The following FOXA3 variants were observed in gnomAD, a reference collection of about 807,000 sequenced individuals.
FOXA3 encodes the protein hepatocyte nuclear factor 3-gamma.
Under a neutral mutation model 16.9 loss-of-function variants are expected in FOXA3, and 11 were observed. The ratio of observed to expected loss-of-function variants is 0.65; its 90% CI spans 0.41 to 1.08. The LOEUF is 1.08. Ranked by LOEUF, FOXA3 falls within the 50% of genes least tolerant of loss-of-function variation. The pLI, the probability that FOXA3 is intolerant of heterozygous loss-of-function variation, is 0.00. For missense variants in FOXA3, 423 were observed against 470.1 expected (o/e 0.90, Z 0.93); for synonymous variants, 217 against 203.3 (o/e 1.07, Z -0.57).
intron 1 of FOXA3, 118 bp downstream of exon 1, chr19:45,864,643 T>C (rs1363538): frequency 1 from 783,708 of 784,020 alleles, 391,703 homozygotes; most frequent in East Asian, 1. Flanking sequence ...CTTGGGCAGC[T>C]GAGGAACTGG....
At chr19:45,866,164 C>A (rs1405263561) in intron 1 of FOXA3, among the ~76,000 whole-genome samples, 1 of 152,132 alleles carries the variant, frequency 6.6e-6, no homozygotes, top group Non-Finnish European at 1.5e-5. Context: ...GTAATCCCAG[C>A]ACTTTGGGAG....
chr19:45,866,419 T>G (rs544119519), intron 1 of FOXA3, among the ~76,000 whole-genome samples: 2 of 151,910 alleles, frequency 1.3e-5, no homozygotes, highest in South Asian at 4.2e-4. Flanking sequence ...CAAAAAATAA[T>G]AATAGTAGAG....
At chr19:45,871,329 G>A (rs1966902817) in intron 1 of FOXA3, among the ~76,000 whole-genome samples, 1 of 152,070 alleles carries the variant, frequency 6.6e-6, no homozygotes. Flanking sequence ...GTGGAAGACA[G>A]CTGGATTCTC....
chr19:45,869,867 C>A (rs906171298), intron 1 of FOXA3, among the ~76,000 whole-genome samples: 20 of 151,260 alleles, frequency 1.3e-4, no homozygotes, highest in Admixed American at 1.2e-3. Context: ...CTCACTGCAA[C>A]CTCCACCTTC....
Position 45,872,109 on chromosome 19 carries a change from C to A in FOXA3, c.104C>A (p.Ala35Asp), listed in dbSNP as rs1241048036. 2.5e-6 allele frequency: 4 copies of A among 1,606,146 alleles called. No homozygotes were observed. The highest frequency in any genetic ancestry group is 1.7e-5 in the Admixed American group (1 of 58,710). Residue 35 changes from alanine (A) to aspartate (D), a missense_variant, in exon 2 of 2, where the codon GCC (alanine) becomes GAC (aspartate). Physicochemically the swap from Ala to Asp is moderately radical, Grantham distance 126 (BLOSUM62 -2). This residue lies in a region of FOXA3 where 170 missense variants were observed against 153.9 expected (regional missense o/e 1.10). Coordinates refer to ENST00000302177, the MANE Select transcript of FOXA3 (RefSeq NM_004497.3). The surrounding 1 kb of genome is among the most constrained non-coding windows in gnomAD (Gnocchi z 4.5). ...YSPVTPVPTM[A>D]PLNSYMTLNP... ...CCGGTGACCCCAGTGCCCACCATGGCCCCCCTCAACTCCTACATGACCCTG... is the reference window on the plus strand; with the variant it reads ...CCGGTGACCCCAGTGCCCACCATGGACCCCCTCAACTCCTACATGACCCTG...
Position 45,872,413 on chromosome 19 carries a change from G to A in FOXA3, c.408G>A (p.Lys136=), listed in dbSNP as rs1450812713. ...ITMAIQQAPG[K]MLTLSEIYQW... Reference sequence around the variant, plus strand: ...TGGCCATCCAGCAGGCGCCGGGCAAGATGCTGACCTTGAGTGAAATCTACC... The same window carrying A: ...TGGCCATCCAGCAGGCGCCGGGCAAAATGCTGACCTTGAGTGAAATCTACC... Residue 136 remains lysine, a synonymous_variant, in exon 2 of 2, where the codon AAG becomes AAA. Coordinates refer to ENST00000302177, the MANE Select transcript of FOXA3 (RefSeq NM_004497.3). This position sits in a 1 kb window ranked among gnomAD's most constrained non-coding sequence, Gnocchi z 4.5. The A allele has an allele frequency of 6.2e-6, 10 of 1,614,132 alleles. No individual in the cohort carries two copies. The highest frequency in any genetic ancestry group is 7.6e-6 in the Non-Finnish European group (9 of 1,180,046).
Position 45,872,643 on chromosome 19 carries a change from T to C in FOXA3, c.638T>C (p.Phe213Ser). The change falls in exon 2 of 2, where the codon TTC becomes TCC. Residue 213 changes from phenylalanine (F) to serine (S), a missense_variant. Around this residue, in one of 3 missense-constraint regions of FOXA3, gnomAD observed 168 missense variants for 179.3 expected, o/e 0.94. Coordinates refer to ENST00000302177, the MANE Select transcript of FOXA3 (RefSeq NM_004497.3). The surrounding 1 kb of genome is among the most constrained non-coding windows in gnomAD (Gnocchi z 4.5). The stretch of plus-strand genomic sequence containing the variant: ...TGCTACCTGCGCCGCCAGAAACGCT[T>C]CAAGCTGGAGGAGAAGGTGAAAAAA... ...NGCYLRRQKR[F>S]KLEEKVKKGG... 10 of 1,613,700 alleles carry C rather than the reference T, an allele frequency of 6.2e-6. No individual in the cohort carries two copies. Among genetic ancestry groups the C allele is most frequent in the Non-Finnish European group, 7.6e-6 (9 of 1,179,810 alleles).
In FOXA3 at chr19:45,867,915, G is replaced by A. The variant is rs537695993; in HGVS notation, c.69+3390G>A. ...GAAGGGAGAAAGAGATGGAAGGATG[G>A]AGAGAGAGACAGGGGCCGAGATGGA... On this transcript the variant is annotated intron_variant, in intron 1 of 1. Coordinates refer to ENST00000302177, the MANE Select transcript of FOXA3 (RefSeq NM_004497.3). 1.1e-4 allele frequency among the ~76,000 whole-genome samples: 16 copies of A among 151,240 alleles called. No individual in the cohort carries two copies. The South Asian group carries it at 3.2e-3, about 30-fold the overall frequency.
intron 1 of FOXA3, among the ~76,000 whole-genome samples, chr19:45,870,322 A>G (rs1295983480): frequency 6.6e-6 from 1 of 151,572 alleles, no homozygotes; most frequent in Non-Finnish European, 1.5e-5. Context: ...GGCGTTCGCC[A>G]CCACACCCGG....
rs898845781 is a variant in FOXA3, at chr19:45,873,354, G to A, written c.*296G>A. On this transcript the variant is annotated 3_prime_UTR_variant, in exon 2 of 2. Coordinates refer to ENST00000302177, the MANE Select transcript of FOXA3 (RefSeq NM_004497.3). ...GCCACCATCTCGGTTGGCCCTTTGG[G>A]TGTGATGGTGATAGCATTTCAGTGA... The A allele has an allele frequency of 1.1e-5, 5 of 462,302 alleles. No individual in the cohort carries two copies. Among genetic ancestry groups the A allele is most frequent in the Admixed American group, 3.5e-5 (1 of 28,408 alleles). The allele number at this position is 462,302 out of a possible 1,614,324, so 28.6% of individuals were successfully genotyped here.
rs1966924446 is a variant in FOXA3 at position 45,872,905 on chromosome 19, C to T, written c.900C>T (p.Phe300=). The T allele has an allele frequency of 6.2e-7, 1 of 1,614,080 alleles. No homozygotes were observed. The highest frequency in any genetic ancestry group is 8.5e-7 in the Non-Finnish European group (1 of 1,180,044). The part of the protein sequence containing the change: ...GELKLDAPYN[F]NHPFSINNLM... ...TGAAGCTGGACGCGCCCTACAACTTCAACCACCCTTTCTCCATCAACAACC... is the reference window on the plus strand; with the variant it reads ...TGAAGCTGGACGCGCCCTACAACTTTAACCACCCTTTCTCCATCAACAACC... The change falls in exon 2 of 2, where the codon TTC becomes TTT. Residue 300 remains phenylalanine, a synonymous_variant. Transcript: ENST00000302177. This position sits in a 1 kb window ranked among gnomAD's most constrained non-coding sequence, Gnocchi z 4.5.
rs768096522 is a variant in FOXA3 at position 45,872,845 on chromosome 19, A to T, written c.840A>T (p.Thr280=). The T allele has an allele frequency of 5.7e-5, 92 of 1,613,402 alleles. No homozygotes were observed. The highest frequency in any genetic ancestry group is 3.3e-4 in the Middle Eastern group (2 of 6,062). ...ALDCGSPASS[T]PYFTGLELPG... is the part of the protein sequence containing the mutation. The stretch of plus-strand genomic sequence containing the variant: ...ACTGTGGCTCACCCGCTTCCTCCAC[A>T]CCCTATTTCACTGGCCTGGAGCTCC... Residue 280 remains threonine (T), a synonymous_variant, in exon 2 of 2, where the codon ACA becomes ACT. Transcript: ENST00000302177. This position sits in a 1 kb window ranked among gnomAD's most constrained non-coding sequence, Gnocchi z 4.5.
Position 45,872,585 on chromosome 19 carries a change from C to T in FOXA3, c.580C>T (p.His194Tyr). Residue 194 changes from histidine (H) to tyrosine (Y), a missense_variant, in exon 2 of 2, where the codon CAC (histidine) becomes TAC (tyrosine). Around this residue, in one of 3 missense-constraint regions of FOXA3, gnomAD observed 85 missense variants for 136.9 expected, o/e 0.62. Coordinates refer to ENST00000302177, the MANE Select transcript of FOXA3 (RefSeq NM_004497.3). The surrounding 1 kb of genome is among the most constrained non-coding windows in gnomAD (Gnocchi z 4.5). ...TGGCAAGGGCTCCTACTGGGCCCTA[C>T]ACCCCAGCTCAGGGAACATGTTTGA... is the stretch of plus-strand genomic sequence containing the variant. Reference protein sequence around the residue: ...KPGKGSYWALHPSSGNMFENG... With the variant: ...KPGKGSYWALYPSSGNMFENG... The T allele has an allele frequency of 6.2e-7, 1 of 1,614,242 alleles. No homozygotes were observed.
chr19:45,872,750 TCCCCGCCCCAGC>T lies in FOXA3; in HGVS notation c.753_764del (p.Gln252_Pro255del). On this transcript the variant is annotated inframe_deletion, in exon 2 of 2. Coordinates refer to ENST00000302177, the MANE Select transcript of FOXA3 (RefSeq NM_004497.3). This position sits in a 1 kb window ranked among gnomAD's most constrained non-coding sequence, Gnocchi z 4.5. The stretch of plus-strand genomic sequence containing the variant: ...CACCACCCCCGCGGCCACAGTCACC[TCCCCGCCCCAGC>T]CCCCGCCTCCAGCCCCTGAGCCTGA... 5 of 1,602,764 alleles carry T rather than the reference TCCCCGCCCCAGC, an allele frequency of 3.1e-6. No homozygotes were observed. Among genetic ancestry groups the T allele is most frequent in the Non-Finnish European group, 4.3e-6 (5 of 1,175,522 alleles).
chr19:45,869,229 C>T (rs779654917), intron 1 of FOXA3, among the ~76,000 whole-genome samples: 9 of 152,034 alleles, frequency 5.9e-5, no homozygotes, highest in Non-Finnish European at 1.2e-4. Flanking sequence ...CGTGAGCCAC[C>T]GCAACTGGCC....
chr19:45,866,746 G>T (rs996089851), intron 1 of FOXA3, among the ~76,000 whole-genome samples: 14 of 152,166 alleles, frequency 9.2e-5, no homozygotes, highest in Non-Finnish European at 1.9e-4. Context: ...TTGGCCTCAG[G>T]TTCTTGCAGA....
At chr19:45,865,122 A>C (rs1972070757) in intron 1 of FOXA3, among the ~76,000 whole-genome samples, 2 of 152,066 alleles carry the variant, frequency 1.3e-5, no homozygotes, top group African/African-American at 2.4e-5. Flanking sequence ...TTGGAGTCTG[A>C]AATAACAGGT....
Position 45,872,858 on chromosome 19 carries a change from G to C in FOXA3, c.853G>C (p.Gly285Arg), listed in dbSNP as rs1966923567. 9 of 1,613,744 alleles carry C rather than the reference G, an allele frequency of 5.6e-6. No individual in the cohort carries two copies. The highest frequency in any genetic ancestry group is 7.6e-6 in the Non-Finnish European group (9 of 1,180,030). Residue 285 changes from glycine (G) to arginine (R), a missense_variant, in exon 2 of 2, where the codon GGC (glycine) becomes CGC (arginine). Physicochemically the swap from Gly to Arg is moderately radical, Grantham distance 125 (BLOSUM62 -2). Around this residue, in one of 3 missense-constraint regions of FOXA3, gnomAD observed 168 missense variants for 179.3 expected, o/e 0.94. Coordinates refer to ENST00000302177, the MANE Select transcript of FOXA3 (RefSeq NM_004497.3). This position sits in a 1 kb window ranked among gnomAD's most constrained non-coding sequence, Gnocchi z 4.5. Reference protein sequence around the residue: ...SPASSTPYFTGLELPGELKLD... With the variant: ...SPASSTPYFTRLELPGELKLD... ...CGCTTCCTCCACACCCTATTTCACT[G>C]GCCTGGAGCTCCCAGGGGAGCTGAA...
chr19:45,872,702 G>T lies in FOXA3; in HGVS notation c.697G>T (p.Gly233Trp). Reference protein sequence around the residue: ...GSGAATTTRNGTGSAASTTTP... With the variant: ...GSGAATTTRNWTGSAASTTTP... ...CGGGGCTGCCACCACCACCAGGAACGGGACAGGGTCTGCTGCCTCGACCAC... is the reference window on the plus strand; with the variant it reads ...CGGGGCTGCCACCACCACCAGGAACTGGACAGGGTCTGCTGCCTCGACCAC... The change falls in exon 2 of 2, where the codon GGG becomes TGG. Residue 233 changes from glycine to tryptophan, a missense_variant. Physicochemically the swap from Gly to Trp is radical, Grantham distance 184. Transcript: ENST00000302177. This position sits in a 1 kb window ranked among gnomAD's most constrained non-coding sequence, Gnocchi z 4.5. 1 of 1,608,894 alleles carries T rather than the reference G, an allele frequency of 6.2e-7. No homozygotes were observed. The highest frequency in any genetic ancestry group is 8.5e-7 in the Non-Finnish European group (1 of 1,177,896).
Sources: allele counts gnomAD v4.1 joint callset (sites outside exome capture counted in the v4.1 genomes callset), GRCh38; gene constraint gnomAD v4.1.1; regional missense constraint gnomAD v4.1.1; non-coding constraint Gnocchi (gnomAD v3.1); transcripts MANE v1.5; gene names NCBI Gene and HGNC (gene_info 2026-07-23, HGNC 2026-07-21).